The following LRP1B variants were observed in gnomAD, a reference collection of about 807,000 sequenced individuals.
The protein encoded by LRP1B is LDL receptor related protein 1B.
Under a neutral mutation model 556.6 loss-of-function variants are expected in LRP1B, and 217 were observed. The ratio of observed to expected loss-of-function variants is 0.39; its 90% CI spans 0.35 to 0.44. The LOEUF (loss-of-function observed/expected upper bound fraction) is 0.44, where lower values mean the gene tolerates loss of function less well. LRP1B is among the 20% of genes least tolerant of loss of function. LRP1B has a pLI of 1.00. For missense variants in LRP1B, 5,053 were observed against 5,620.8 expected (o/e 0.90, Z 3.23); for synonymous variants, 2,047 against 1,865.8 (o/e 1.10, Z -2.50).
chr2:140,344,271 C>G (rs1462803454), intron 77 of LRP1B, among the ~76,000 whole-genome samples: 1 of 151,682 alleles, frequency 6.6e-6, no homozygotes, highest in Non-Finnish European at 1.5e-5. Context: ...AAAAGTGCAG[C>G]AAGGAGAGAA....
chr2:140,460,660 T>A (rs1687280806), intron 60 of LRP1B, among the ~76,000 whole-genome samples: 1 of 152,138 alleles, frequency 6.6e-6, no homozygotes, highest in Non-Finnish European at 1.5e-5. Flanking sequence ...CAAAAAAGAA[T>A]AAACAGAGCT....
At chr2:141,637,434 A>C (rs1689142410) in intron 2 of LRP1B, among the ~76,000 whole-genome samples, 1 of 152,206 alleles carries the variant, frequency 6.6e-6, no homozygotes, top group African/African-American at 2.4e-5. Context: ...AAGGCTGAAG[A>C]CATCAGGCCA....
intron 21 of LRP1B, among the ~76,000 whole-genome samples, chr2:140,918,779 T>C (rs1345107425): frequency 3.3e-5 from 5 of 152,022 alleles, no homozygotes; most frequent in Non-Finnish European, 5.9e-5. Flanking sequence ...CATAAGAAGA[T>C]TGCCATCTGC....
intron 7 of LRP1B, among the ~76,000 whole-genome samples, chr2:141,071,713 GACAA>G (rs1249447985): frequency 1.3e-5 from 2 of 152,054 alleles, no homozygotes; most frequent in Non-Finnish European, 2.9e-5. Context: ...ACCAATAACA[GACAA>G]ACAGAGAGCC....
In LRP1B at chr2:141,137,750, G is replaced by A. The variant is rs367796660; in HGVS notation, c.1013+50671C>T. Among the ~76,000 whole-genome samples, 114 of 151,920 alleles carry A rather than the reference G, an allele frequency of 7.5e-4. 1 individual carries two copies. The South Asian group carries it at 0.021, about 28-fold the overall frequency. On this transcript the variant is annotated intron_variant, in intron 7 of 90. Coordinates refer to ENST00000389484, the MANE Select transcript of LRP1B (RefSeq NM_018557.3). ...ATAAATAGGGGCAATGTTGGTATTT[G>A]AACCCAAGTTTCAAGTTAAGAGCCT... is the stretch of plus-strand genomic sequence containing the variant.
intron 18 of LRP1B, among the ~76,000 whole-genome samples, chr2:140,959,013 G>A (rs1048047383): frequency 7.3e-5 from 11 of 150,982 alleles, no homozygotes; most frequent in African/African-American, 1.7e-4. Context: ...AGTGTTCAGC[G>A]CTGCTCAGAT....
At chr2:141,459,974 G>A (rs1039961867) in intron 3 of LRP1B, among the ~76,000 whole-genome samples, 18 of 152,274 alleles carry the variant, frequency 1.2e-4, no homozygotes, top group African/African-American at 4.1e-4. Flanking sequence ...TGTCACCATA[G>A]TAAAAATTCT....
At chr2:140,707,393 A>G (rs1686877672) in intron 37 of LRP1B, among the ~76,000 whole-genome samples, 1 of 152,118 alleles carries the variant, frequency 6.6e-6, no homozygotes, top group Non-Finnish European at 1.5e-5. Flanking sequence ...CCTATCTGCA[A>G]AAAGTAAGAG....
At chr2:141,633,699 C>T (rs1365190935) in intron 2 of LRP1B, among the ~76,000 whole-genome samples, 1 of 152,030 alleles carries the variant, frequency 6.6e-6, no homozygotes, top group Non-Finnish European at 1.5e-5. Flanking sequence ...CTATCACCAA[C>T]ATCCATTTCC....
At chr2:142,016,753 C>G (rs1703145716) in intron 1 of LRP1B, among the ~76,000 whole-genome samples, 1 of 151,716 alleles carries the variant, frequency 6.6e-6, no homozygotes, top group South Asian at 2.1e-4. Flanking sequence ...GTGCAGCAAA[C>G]CACCATGGCA....
intron 20 of LRP1B, among the ~76,000 whole-genome samples, chr2:140,934,777 A>G (rs1695155649): frequency 6.6e-6 from 1 of 152,162 alleles, no homozygotes; most frequent in Admixed American, 6.6e-5. Flanking sequence ...CATCGTTACA[A>G]GTCCCTCCAT....
intron 2 of LRP1B, among the ~76,000 whole-genome samples, chr2:141,806,747 C>G (rs1696179520): frequency 6.6e-6 from 1 of 151,966 alleles, no homozygotes; most frequent in Non-Finnish European, 1.5e-5. Context: ...TCCAGGATTT[C>G]TTATTGTTCT....
intron 35 of LRP1B, 97 bp downstream of exon 35, chr2:140,769,116 T>C (rs565244101): frequency 8.9e-7 from 1 of 1,120,850 alleles, no homozygotes; most frequent in African/African-American, 1.6e-5. Flanking sequence ...TTTCTCATCT[T>C]GACTATTAAA....
chr2:141,189,626 G>C (rs1359039385), intron 6 of LRP1B, among the ~76,000 whole-genome samples: 1 of 151,512 alleles, frequency 6.6e-6, no homozygotes. Flanking sequence ...TTTGGCCTCA[G>C]CTTCTTCCTT....
At chr2:141,565,564 T>C (rs1411296331) in intron 2 of LRP1B, among the ~76,000 whole-genome samples, 1 of 152,194 alleles carries the variant, frequency 6.6e-6, no homozygotes, top group East Asian at 1.9e-4. Context: ...GGGATGAACA[T>C]CCTATCTTAC....
chr2:140,269,038 G>A (rs1229902880), intron 86 of LRP1B, among the ~76,000 whole-genome samples: 5 of 151,892 alleles, frequency 3.3e-5, no homozygotes, highest in African/African-American at 4.8e-5. Flanking sequence ...TTATTAGACA[G>A]TTCCACAAGC....
At chr2:141,320,469 G>T (rs1020735371) in intron 3 of LRP1B, among the ~76,000 whole-genome samples, 12 of 152,016 alleles carry the variant, frequency 7.9e-5, no homozygotes, top group African/African-American at 2.9e-4. Context: ...AAGAAAGCGT[G>T]CTGTAAAATT....
chr2:140,566,203 C>T (rs1437418336), intron 43 of LRP1B, among the ~76,000 whole-genome samples: 3 of 152,164 alleles, frequency 2.0e-5, no homozygotes. Flanking sequence ...TAGCTGCTAA[C>T]CCCTTCGCCA....
At chr2:140,903,751 A>T (rs1694169356) in intron 22 of LRP1B, among the ~76,000 whole-genome samples, 1 of 151,738 alleles carries the variant, frequency 6.6e-6, no homozygotes, top group South Asian at 2.1e-4. Context: ...ATTGTGCCTC[A>T]TATATTGGTT....
Sources: allele counts gnomAD v4.1 joint callset (sites outside exome capture counted in the v4.1 genomes callset), GRCh38; gene constraint gnomAD v4.1.1; transcripts MANE v1.5; gene names NCBI Gene and HGNC (gene_info 2026-07-23, HGNC 2026-07-21).